The following CDH13 variants were observed in gnomAD, a reference collection of about 807,000 sequenced individuals.
CDH13 encodes cadherin-13.
In CDH13, 24 loss-of-function variants were observed where a neutral mutation model predicts 63.8. That is an observed-to-expected ratio of 0.38 (90% CI 0.27 to 0.53). The LOEUF is 0.53. Among genes scored for constraint, CDH13 ranks in the 20% least tolerant of loss-of-function variants. The probability of loss-of-function intolerance (pLI) is 0.85; values close to 1 mark genes in which losing one functional copy is unlikely to be tolerated. For synonymous variants in CDH13, 503 were observed against 355.3 expected (o/e 1.42, Z -4.67); for missense variants, 1,049 against 903.1 (o/e 1.16, Z -2.07).
intron 1 of CDH13, among the ~76,000 whole-genome samples, chr16:82,738,047 C>T (rs2033764044): frequency 6.6e-6 from 1 of 152,146 alleles, no homozygotes; most frequent in Admixed American, 6.5e-5. Flanking sequence ...ATTACAGGCG[C>T]TGTGTTGTAC....
chr16:83,664,635 T>C (rs934910358), intron 8 of CDH13, among the ~76,000 whole-genome samples: 4 of 152,138 alleles, frequency 2.6e-5, no homozygotes, highest in Admixed American at 6.6e-5. Context: ...CTAAGAACTT[T>C]ACTGTTTACA....
Position 83,109,824 on chromosome 16 carries a change from A to G in CDH13, c.367-15561A>G, listed in dbSNP as rs115495794. Among the ~76,000 whole-genome samples the G allele has an allele frequency of 6.3e-3, 959 of 152,282 alleles. 11 individuals carry two copies. The highest frequency in any genetic ancestry group is 0.022 in the African/African-American group (910 of 41,572). ...CTGTATCCATTATATTCTCATCACCATCACATGTGGTTGAACGGGCTTCCG... is the reference window on the plus strand; with the variant it reads ...CTGTATCCATTATATTCTCATCACCGTCACATGTGGTTGAACGGGCTTCCG... On this transcript the variant is annotated intron_variant, in intron 3 of 13. Coordinates refer to ENST00000567109, the MANE Select transcript of CDH13 (RefSeq NM_001257.5).
At chr16:82,832,322 C>G (rs1394642989) in intron 1 of CDH13, among the ~76,000 whole-genome samples, 1 of 152,150 alleles carries the variant, frequency 6.6e-6, no homozygotes, top group African/African-American at 2.4e-5. Context: ...TTTGCAATAT[C>G]TAAGCTTGAT....
chr16:83,054,432 T>C (rs1471265777), intron 3 of CDH13, among the ~76,000 whole-genome samples: 1 of 152,218 alleles, frequency 6.6e-6, no homozygotes, highest in East Asian at 1.9e-4. Context: ...ATCTCAGCAG[T>C]TGACATAACT....
chr16:82,859,883 C>A (rs1377119630), intron 2 of CDH13, among the ~76,000 whole-genome samples: 3 of 152,140 alleles, frequency 2.0e-5, no homozygotes, highest in Non-Finnish European at 4.4e-5. Context: ...GATGAAATGA[C>A]GCCAATGAAA....
chr16:83,081,743 C>T (rs1018699701), intron 3 of CDH13, among the ~76,000 whole-genome samples: 20 of 151,924 alleles, frequency 1.3e-4, no homozygotes, highest in African/African-American at 4.4e-4. Flanking sequence ...GGATCATCTC[C>T]TTAGAATGGT....
At chr16:82,643,663 T>C (rs1909702037) in intron 1 of CDH13, among the ~76,000 whole-genome samples, 2 of 152,224 alleles carry the variant, frequency 1.3e-5, no homozygotes, top group African/African-American at 4.8e-5. Context: ...CCTCACTGGT[T>C]ATTATTCTCA....
chr16:83,479,594 T>C (rs1392956606), intron 6 of CDH13, among the ~76,000 whole-genome samples: 3 of 152,100 alleles, frequency 2.0e-5, no homozygotes, highest in Non-Finnish European at 4.4e-5. Flanking sequence ...GAGGCGGAGC[T>C]TGCAGTGAGC....
At chr16:83,235,191 T>C (rs891361548) in intron 5 of CDH13, among the ~76,000 whole-genome samples, 1 of 152,072 alleles carries the variant, frequency 6.6e-6, no homozygotes, top group Admixed American at 6.6e-5. Flanking sequence ...GGTAACAGAG[T>C]GAGACCCAGT....
chr16:83,482,906 C>A (rs1019690435), intron 6 of CDH13, among the ~76,000 whole-genome samples: 2 of 152,338 alleles, frequency 1.3e-5, no homozygotes, highest in South Asian at 2.1e-4. Context: ...TCCTAGTCTC[C>A]TGTATCTGAG....
chr16:82,637,934 G>T (rs979236524), intron 1 of CDH13, among the ~76,000 whole-genome samples: 1 of 152,212 alleles, frequency 6.6e-6, no homozygotes, highest in African/African-American at 2.4e-5. Flanking sequence ...CTGAATCCCT[G>T]TCTCATGGAG....
At chr16:83,432,633 C>A (rs183176092) in intron 6 of CDH13, among the ~76,000 whole-genome samples, 1 of 152,304 alleles carries the variant, frequency 6.6e-6, no homozygotes, top group African/African-American at 2.4e-5. Context: ...CCACGTGTCA[C>A]TTCACTCTGG....
intron 7 of CDH13, among the ~76,000 whole-genome samples, chr16:83,587,306 AGG>A (rs2017049461): frequency 6.6e-6 from 1 of 152,206 alleles, no homozygotes; most frequent in African/African-American, 2.4e-5. Context: ...ATTAGTGGGC[AGG>A]GACCATTAAC....
intron 2 of CDH13, among the ~76,000 whole-genome samples, chr16:82,940,407 G>A (rs1904275601): frequency 1.3e-5 from 2 of 152,098 alleles, no homozygotes; most frequent in South Asian, 4.2e-4. Context: ...GCTCGGTGGT[G>A]AGGTTGAGTC....
At chr16:82,908,685 A>T (rs890853322) in intron 2 of CDH13, among the ~76,000 whole-genome samples, 15 of 152,176 alleles carry the variant, frequency 9.9e-5, no homozygotes, top group African/African-American at 3.4e-4. Context: ...ATTTAGGTAC[A>T]TACAATCACC....
chr16:83,674,802 G>A lies in CDH13; in HGVS notation c.1285-3406G>A, dbSNP rs527971468. The stretch of plus-strand genomic sequence containing the variant: ...AGCACCCTTAGCTGCTTTCTAAACC[G>A]ATTCTAAAACCACCAGAAAGTTATT... On this transcript the variant is annotated intron_variant, in intron 9 of 13. Transcript: ENST00000567109. Among the ~76,000 whole-genome samples, 13 of 152,298 alleles carry A rather than the reference G, an allele frequency of 8.5e-5. No individual in the cohort carries two copies. The South Asian group carries it at 1.0e-3, about 12-fold the overall frequency.
At chr16:82,627,666 T>C (rs1227369497) in intron 1 of CDH13, among the ~76,000 whole-genome samples, 1 of 152,052 alleles carries the variant, frequency 6.6e-6, no homozygotes, top group African/African-American at 2.4e-5. Context: ...ACAGCCCGGC[T>C]GCCCGCTGGA....
In CDH13 at chr16:83,788,493, A is replaced by G. The variant is rs560625825; in HGVS notation, c.2134+5021A>G. On this transcript the variant is annotated intron_variant, in intron 13 of 13. Transcript: ENST00000567109. ...TTTTTTTTTAGATTAAAAAAAAAAG[A>G]CTTGGCAGTATTTTTTTCTTACCAA... Among the ~76,000 whole-genome samples the G allele has an allele frequency of 1.8e-4, 27 of 150,776 alleles. No homozygotes were observed. The South Asian group carries it at 5.6e-3, about 32-fold the overall frequency.
intron 2 of CDH13, among the ~76,000 whole-genome samples, chr16:82,875,858 G>T (rs1269783555): frequency 6.6e-6 from 1 of 152,176 alleles, no homozygotes; most frequent in African/African-American, 2.4e-5. Context: ...TTTTCACACT[G>T]CTGATACAGA....
Sources: allele counts gnomAD v4.1 joint callset (sites outside exome capture counted in the v4.1 genomes callset), GRCh38; gene constraint gnomAD v4.1.1; transcripts MANE v1.5; gene names NCBI Gene and HGNC (gene_info 2026-07-23, HGNC 2026-07-21).